GLRA3: variants seen among roughly 807,000 people sequenced by gnomAD.
The protein encoded by GLRA3 is glycine receptor subunit alpha-3.
GLRA3 carries 44 observed loss-of-function variants against 60.4 expected under a neutral mutation model. The ratio of observed to expected loss-of-function variants is 0.73; its 90% CI spans 0.57 to 0.94. The LOEUF (loss-of-function observed/expected upper bound fraction) is 0.94, where lower values mean the gene tolerates loss of function less well. GLRA3 is among the 40% of genes least tolerant of loss of function. The pLI, the probability that GLRA3 is intolerant of heterozygous loss-of-function variation, is 0.00. For missense variants in GLRA3, 508 were observed against 564.6 expected, an observed-to-expected ratio of 0.90 and a Z score of 1.02; for synonymous variants, 223 against 192.9, an observed-to-expected ratio of 1.16 and a Z score of -1.29.
chr4:174,696,153 A>T (rs558038049), intron 5 of GLRA3, among the ~76,000 whole-genome samples: 14 of 152,168 alleles, frequency 9.2e-5, no homozygotes, highest in South Asian at 4.1e-4. Flanking sequence ...CAATATCATT[A>T]AAAAAATGAT....
intron 3 of GLRA3, among the ~76,000 whole-genome samples, chr4:174,732,859 A>G (rs1736609186): frequency 6.6e-6 from 1 of 151,958 alleles, no homozygotes; most frequent in Non-Finnish European, 1.5e-5. Context: ...ATACATATTC[A>G]TCAATATAGA....
chr4:174,733,531 C>A (rs1736641734), intron 3 of GLRA3, among the ~76,000 whole-genome samples: 1 of 152,174 alleles, frequency 6.6e-6, no homozygotes, highest in South Asian at 2.1e-4. Context: ...CCCCCTCTAT[C>A]AGCCAGTGCA....
At chr4:174,798,150 A>T (rs1739643253) in intron 1 of GLRA3, among the ~76,000 whole-genome samples, 1 of 152,192 alleles carries the variant, frequency 6.6e-6, no homozygotes, top group South Asian at 2.1e-4. Flanking sequence ...TGTTCCATGT[A>T]TCTCTTTTCA....
At chr4:174,752,491 A>G (rs572448605) in intron 3 of GLRA3, among the ~76,000 whole-genome samples, 1 of 152,226 alleles carries the variant, frequency 6.6e-6, no homozygotes, top group Admixed American at 6.5e-5. Flanking sequence ...ATCATTAAGG[A>G]GTGGAGGCAA....
chr4:174,791,158 GTATCCTTATAAGGATATT>G (rs1362061259), intron 1 of GLRA3, among the ~76,000 whole-genome samples: 1 of 152,142 alleles, frequency 6.6e-6, no homozygotes, highest in East Asian at 1.9e-4. Context: ...ACATGAAACA[GTATCCTTATAAGGATATT>G]TATCCTTATA....
intron 7 of GLRA3, among the ~76,000 whole-genome samples, chr4:174,672,913 T>C (rs1291225822): frequency 1.3e-5 from 2 of 152,078 alleles, no homozygotes; most frequent in African/African-American, 4.8e-5. Context: ...AATGTGTGCG[T>C]TGTGTATAGT....
intron 3 of GLRA3, among the ~76,000 whole-genome samples, chr4:174,766,654 G>T (rs1247923163): frequency 6.6e-6 from 1 of 152,010 alleles, no homozygotes; most frequent in Non-Finnish European, 1.5e-5. Context: ...CTCTGCTTAT[G>T]TCTGGATATT....
chr4:174,721,769 A>ATGTG (rs768218316), intron 4 of GLRA3, among the ~76,000 whole-genome samples: 1 of 150,706 alleles, frequency 6.6e-6, no homozygotes, highest in East Asian at 1.9e-4. Flanking sequence ...GTGTATATAT[A>ATGTG]TGTGTGTGTG....
At chr4:174,676,854 G>A (rs1426563608) in intron 7 of GLRA3, among the ~76,000 whole-genome samples, 2 of 151,982 alleles carry the variant, frequency 1.3e-5, no homozygotes, top group South Asian at 2.1e-4. Context: ...TTAAATAATT[G>A]GGAATAATAA....
Position 174,643,667 on chromosome 4 carries a change from T to C in GLRA3, c.*119A>G, listed in dbSNP as rs1055683118. 2.3e-5 allele frequency: 33 copies of C among 1,416,936 alleles called. No homozygotes were observed. In the Middle Eastern group the frequency reaches 8.2e-4, roughly 35 times the overall value. 87.8% of individuals were successfully genotyped at this position (1,416,936 alleles called of 1,614,324 possible). On this transcript the variant is annotated 3_prime_UTR_variant, in exon 10 of 10. Coordinates refer to ENST00000274093, the MANE Select transcript of GLRA3 (RefSeq NM_006529.4). ...AACCAAAATACAAAGCTTTTCCATA[T>C]GCCATTTTAATACAATGGTCATCAT...
chr4:174,751,454 A>T (rs1485895882), intron 3 of GLRA3, among the ~76,000 whole-genome samples: 2 of 152,178 alleles, frequency 1.3e-5, no homozygotes, highest in African/African-American at 4.8e-5. Flanking sequence ...ATTTATAATT[A>T]GTACACGTGT....
At chr4:174,786,090 G>A (rs1451647680) in intron 2 of GLRA3, among the ~76,000 whole-genome samples, 1 of 151,734 alleles carries the variant, frequency 6.6e-6, no homozygotes, top group East Asian at 1.9e-4. Context: ...AGCTAATTAT[G>A]CTCATTTTTA....
chr4:174,799,213 A>C (rs1055452946), intron 1 of GLRA3, among the ~76,000 whole-genome samples: 1 of 152,244 alleles, frequency 6.6e-6, no homozygotes, highest in Non-Finnish European at 1.5e-5. Flanking sequence ...TATGGATTAC[A>C]GATGAAGAAA....
intron 8 of GLRA3, among the ~76,000 whole-genome samples, chr4:174,657,946 G>C (rs1404984738): frequency 6.6e-6 from 1 of 152,104 alleles, no homozygotes; most frequent in Non-Finnish European, 1.5e-5. Context: ...TTTTGGGAAG[G>C]CCAATTAGAA....
intron 1 of GLRA3, among the ~76,000 whole-genome samples, chr4:174,807,948 C>T (rs931640928): frequency 6.6e-6 from 1 of 152,038 alleles, no homozygotes; most frequent in African/African-American, 2.4e-5. Flanking sequence ...GGAGCTGATC[C>T]AACTTAGAAA....
chr4:174,737,024 T>C (rs4695959), intron 3 of GLRA3, among the ~76,000 whole-genome samples: 44,262 of 152,128 alleles, frequency 0.29, 6,696 homozygotes, highest in African/African-American at 0.35. Context: ...TGCATACAAG[T>C]ACTTTTCATG....
At chr4:174,800,611 C>G (rs376392714) in intron 1 of GLRA3, among the ~76,000 whole-genome samples, 5 of 151,610 alleles carry the variant, frequency 3.3e-5, no homozygotes, top group African/African-American at 1.2e-4. Context: ...ACCCCCCCCG[C>G]CAAAAAAACT....
intron 7 of GLRA3, among the ~76,000 whole-genome samples, chr4:174,661,546 C>T (rs561129268): frequency 2.2e-4 from 33 of 152,280 alleles, no homozygotes; most frequent in African/African-American, 7.5e-4. Context: ...TTGCATTTGG[C>T]CTTCCTGTTG....
intron 5 of GLRA3, among the ~76,000 whole-genome samples, chr4:174,702,775 C>T (rs1401363863): frequency 6.6e-6 from 1 of 152,066 alleles, no homozygotes; most frequent in African/African-American, 2.4e-5. Flanking sequence ...ACTATGTTTC[C>T]CAGACTAGTC....
Sources: allele counts gnomAD v4.1 joint callset (sites outside exome capture counted in the v4.1 genomes callset), GRCh38; gene constraint gnomAD v4.1.1; transcripts MANE v1.5; gene names NCBI Gene and HGNC (gene_info 2026-07-23, HGNC 2026-07-21).